The following PPP2R5D variants were observed in gnomAD, a reference collection of about 807,000 sequenced individuals.
PPP2R5D encodes protein phosphatase 2 regulatory subunit B'delta.
Under a neutral mutation model 79.1 loss-of-function variants are expected in PPP2R5D, and 12 were observed. That is an observed-to-expected ratio of 0.15 (90% CI 0.10 to 0.25). The LOEUF is 0.25. PPP2R5D is among the 10% of genes least tolerant of loss of function. PPP2R5D has a pLI of 1.00. For synonymous variants in PPP2R5D, 277 were observed against 286.6 expected, an observed-to-expected ratio of 0.97 and a Z score of 0.34; for missense variants, 419 against 760.2, an observed-to-expected ratio of 0.55 and a Z score of 5.28.
intron 2 of PPP2R5D, among the ~76,000 whole-genome samples, chr6:42,998,046 T>A: frequency 3.4e-5 from 1 of 29,622 alleles, no homozygotes; most frequent in African/African-American, 9.5e-5. Flanking sequence ...TATATATATA[T>A]ATATATATAT....
chr6:43,009,688 C>T lies in PPP2R5D; in HGVS notation c.1379+239C>T, dbSNP rs1762255341. Among the ~76,000 whole-genome samples, 1 of 152,204 alleles carries T rather than the reference C, an allele frequency of 6.6e-6. No homozygotes were observed. The highest frequency in any genetic ancestry group is 6.5e-5 in the Admixed American group (1 of 15,272). On this transcript the variant is annotated intron_variant, in intron 12 of 15. Transcript: ENST00000485511. The surrounding 1 kb of genome is among the most constrained non-coding windows in gnomAD (Gnocchi z 5.6). ...ACACCGCTCCTTGGGTTCAGCTATTCTACAGGTCCTATCACAGCTTTGGAG... is the reference window on the plus strand; with the variant it reads ...ACACCGCTCCTTGGGTTCAGCTATTTTACAGGTCCTATCACAGCTTTGGAG...
chr6:43,001,290 C>T (rs1046895868), intron 2 of PPP2R5D, among the ~76,000 whole-genome samples: 11 of 152,048 alleles, frequency 7.2e-5, no homozygotes, highest in African/African-American at 2.2e-4. Context: ...TATAGGCATG[C>T]GCCACCTCGC....
Position 43,012,183 on chromosome 6 carries a change from T to C in PPP2R5D, c.*897T>C. 8.9e-7 allele frequency: 1 copy of C among 1,124,940 alleles called. No homozygotes were observed. Among genetic ancestry groups the C allele is most frequent in the Non-Finnish European group, 1.1e-6 (1 of 919,880 alleles). 69.7% of individuals were successfully genotyped at this position (1,124,940 alleles called of 1,614,324 possible). On this transcript the variant is annotated 3_prime_UTR_variant, in exon 16 of 16. Coordinates refer to ENST00000485511, the MANE Select transcript of PPP2R5D (RefSeq NM_006245.4). The stretch of plus-strand genomic sequence containing the variant: ...TAGGTACCTTGGAGGGGCCAGGGGC[T>C]GAGGAAGGCCGGACCCAGGTTCCAG...
chr6:43,007,381 C>T lies in PPP2R5D; in HGVS notation c.634-33C>T. 1 of 1,603,658 alleles carries T rather than the reference C, an allele frequency of 6.2e-7. No individual in the cohort carries two copies. The highest frequency in any genetic ancestry group is 1.1e-5 in the South Asian group (1 of 90,890). Reference sequence around the variant, plus strand: ...TTGGAGGCCTGCAAGTCCTTGGGAACATCCCCTCAGTGGCGTGCCTTTTCC... The same window carrying T: ...TTGGAGGCCTGCAAGTCCTTGGGAATATCCCCTCAGTGGCGTGCCTTTTCC... On this transcript the variant is annotated intron_variant, in intron 5 of 15. Transcript: ENST00000485511. The surrounding 1 kb of genome is among the most constrained non-coding windows in gnomAD (Gnocchi z 4.5).
At chr6:43,003,433 A>G (rs1011770496) in intron 2 of PPP2R5D, among the ~76,000 whole-genome samples, 1 of 152,128 alleles carries the variant, frequency 6.6e-6, no homozygotes, top group Non-Finnish European at 1.5e-5. Flanking sequence ...AAAATAAATA[A>G]ATAAAATAAA....
In PPP2R5D at chr6:43,009,548, G is replaced by T; in HGVS notation, c.1379+99G>T. 1 of 1,513,574 alleles carries T rather than the reference G, an allele frequency of 6.6e-7. No homozygotes were observed. The allele number at this position is 1,513,574 out of a possible 1,614,324, so 93.8% of individuals were successfully genotyped here. On this transcript the variant is annotated intron_variant, in intron 12 of 15. Transcript: ENST00000485511. The surrounding 1 kb of genome is among the most constrained non-coding windows in gnomAD (Gnocchi z 5.6). ...GCCAGGGGTCTCACCTAGTCACCCA[G>T]CAAGTGGGGCTGATGTCCCCTGCAT... is the stretch of plus-strand genomic sequence containing the variant.
chr6:42,990,276 G>T (rs2236355), intron 2 of PPP2R5D, among the ~76,000 whole-genome samples: 1 of 152,136 alleles, frequency 6.6e-6, no homozygotes, highest in African/African-American at 2.4e-5. Flanking sequence ...ATGAAAGTTT[G>T]GGAGTGTGCA....
At chr6:43,003,574 T>G (rs893008408) in intron 2 of PPP2R5D, among the ~76,000 whole-genome samples, 1 of 152,098 alleles carries the variant, frequency 6.6e-6, no homozygotes, top group African/African-American at 2.4e-5. Flanking sequence ...GCAGAAGTAA[T>G]CTAATTCTAC....
intron 2 of PPP2R5D, among the ~76,000 whole-genome samples, chr6:42,992,031 T>C (rs978726267): frequency 2.0e-4 from 31 of 152,140 alleles, no homozygotes; most frequent in African/African-American, 7.5e-4. Flanking sequence ...GAGGCTGTGG[T>C]CTTCAAAAGC....
chr6:43,008,152 G>A lies in PPP2R5D; in HGVS notation c.858-49G>A. The A allele has an allele frequency of 6.2e-7, 1 of 1,613,930 alleles. No homozygotes were observed. The highest frequency in any genetic ancestry group is 8.5e-7 in the Non-Finnish European group (1 of 1,179,940). ...GGGAGGTGGGGGGACTGTACAGAAT[G>A]CTGGAGGGACATCAGGGGTTGTCAA... On this transcript the variant is annotated intron_variant, in intron 7 of 15. Coordinates refer to ENST00000485511, the MANE Select transcript of PPP2R5D (RefSeq NM_006245.4). The surrounding 1 kb of genome is among the most constrained non-coding windows in gnomAD (Gnocchi z 4.2).
rs1276532443 is a variant in PPP2R5D at position 43,007,992 on chromosome 6, T to C, written c.784T>C (p.Leu262=). The C allele has an allele frequency of 1.2e-6, 2 of 1,614,072 alleles. No homozygotes were observed. The highest frequency in any genetic ancestry group is 2.2e-5 in the East Asian group (1 of 44,884). The change falls in exon 7 of 16, where the codon TTG becomes CTG. Residue 262 remains leucine, a synonymous_variant. Transcript: ENST00000485511. The surrounding 1 kb of genome is among the most constrained non-coding windows in gnomAD (Gnocchi z 4.5). ...PRERDFLKTI[L]HRIYGKFLGL... ...AGAGCGGGACTTCCTCAAGACCATT[T>C]TGCATCGCATCTATGGCAAGTTTTT...
chr6:42,995,126 CTTTTTTTTT>C (rs889250251), intron 2 of PPP2R5D, among the ~76,000 whole-genome samples: 5 of 106,366 alleles, frequency 4.7e-5, no homozygotes, highest in Non-Finnish European at 9.1e-5. Context: ...CTTTTTCTTT[CTTTTTTTTT>C]TTTTTTTTTT....
chr6:42,990,886 A>G (rs1378751388), intron 2 of PPP2R5D, among the ~76,000 whole-genome samples: 1 of 150,820 alleles, frequency 6.6e-6, no homozygotes, highest in Non-Finnish European at 1.5e-5. Flanking sequence ...ATTTTTTTGT[A>G]TTTTTAGTAG....
chr6:43,004,569 C>CT (rs56194066), intron 2 of PPP2R5D, among the ~76,000 whole-genome samples: 58,649 of 124,994 alleles, frequency 0.47, 14,913 homozygotes, highest in Non-Finnish European at 0.56. Flanking sequence ...TCTTTTCCTA[C>CT]TTTTTTTTTT....
chr6:43,006,601 A>G lies in PPP2R5D; in HGVS notation c.244A>G (p.Lys82Glu). 6.2e-7 allele frequency: 1 copy of G among 1,614,120 alleles called. No homozygotes were observed. The highest frequency in any genetic ancestry group is 8.5e-7 in the Non-Finnish European group (1 of 1,180,026). Residue 82 changes from lysine (K) to glutamate (E), a missense_variant, in exon 3 of 16, where the codon AAG (lysine) becomes GAG (glutamate). This residue lies in a region of PPP2R5D where 110 missense variants were observed against 147.6 expected (regional missense o/e 0.75). Transcript: ENST00000485511. This position sits in a 1 kb window ranked among gnomAD's most constrained non-coding sequence, Gnocchi z 4.7. ...GTACTCAGGGGGGCCCCAGATTGTC[A>G]AGAAGGAGCGACGGCAAAGCTCCTC... ...IKYSGGPQIVKKERRQSSSRF... is the reference protein window; with the variant it reads ...IKYSGGPQIVEKERRQSSSRF...
At chr6:42,995,518 C>G (rs1771593025) in intron 2 of PPP2R5D, among the ~76,000 whole-genome samples, 1 of 151,470 alleles carries the variant, frequency 6.6e-6, no homozygotes, top group Non-Finnish European at 1.5e-5. Flanking sequence ...TGCTTTATTT[C>G]TCCTGTGTCT....
chr6:43,003,513 T>G (rs931781152), intron 2 of PPP2R5D, among the ~76,000 whole-genome samples: 2 of 152,112 alleles, frequency 1.3e-5, no homozygotes, highest in Non-Finnish European at 2.9e-5. Flanking sequence ...TACTACACAA[T>G]GGAAGTAAGG....
chr6:42,989,051 T>C (rs574953220), intron 1 of PPP2R5D, among the ~76,000 whole-genome samples: 20 of 152,322 alleles, frequency 1.3e-4, no homozygotes, highest in African/African-American at 4.8e-4. Flanking sequence ...TCTTGGCATT[T>C]TGAGTGGGAC....
At position 42,984,591 on chromosome 6, in the gene PPP2R5D, A is replaced by G. The variant is rs1770679340; in HGVS notation, c.-87A>G. The G allele has an allele frequency of 6.7e-7, 1 of 1,493,800 alleles. No individual in the cohort carries two copies. Among genetic ancestry groups the G allele is most frequent in the Non-Finnish European group, 8.9e-7 (1 of 1,123,118 alleles). 92.5% of individuals were successfully genotyped at this position (1,493,800 alleles called of 1,614,324 possible). On this transcript the variant is annotated 5_prime_UTR_variant, in exon 1 of 16. Coordinates refer to ENST00000485511, the MANE Select transcript of PPP2R5D (RefSeq NM_006245.4). ...GGGCGCAGCGCGCAGGCGGTGGCGA[A>G]GAGACGCCGAGCGGGCCGAGTGCGG...
Sources: gnomAD v4.1 joint callset for allele counts (sites outside exome capture counted in the v4.1 genomes callset) on GRCh38, gnomAD v4.1.1 for gene constraint, gnomAD v4.1.1 regional missense constraint, Gnocchi (gnomAD v3.1) non-coding constraint, MANE v1.5 for transcripts, NCBI Gene and HGNC (gene_info 2026-07-23, HGNC 2026-07-21) for gene names.